Variants in FGGY observed in about 807,000 individuals in gnomAD.
FGGY encodes the protein FGGY carbohydrate kinase domain containing.
A neutral mutation model predicts 71.3 loss-of-function variants in FGGY; 72 were observed. The observed-to-expected ratio is 1.01, with a 90% CI of 0.84 to 1.23. FGGY has a LOEUF of 1.23. Ranked by LOEUF, FGGY falls within the 50% of genes most tolerant of loss-of-function variation. FGGY has a pLI of 0.00. For synonymous variants in FGGY, 251 were observed against 250.3 expected (o/e 1.00, Z -0.02); for missense variants, 668 against 682.3 (o/e 0.98, Z 0.23).
chr1:59,697,757 G>T (rs1462120618), intron 14 of FGGY: 3 of 1,263,620 alleles, frequency 2.4e-6, no homozygotes, highest in Non-Finnish European at 2.1e-6. Flanking sequence ...GACACAAGAG[G>T]TAAACAGAAT....
At chr1:59,504,780 C>T (rs1005236745) in intron 6 of FGGY, among the ~76,000 whole-genome samples, 21 of 152,150 alleles carry the variant, frequency 1.4e-4, no homozygotes, top group African/African-American at 4.8e-4. Context: ...TACAGTCTCT[C>T]CTCTTTACTC....
intron 8 of FGGY, among the ~76,000 whole-genome samples, chr1:59,575,480 A>G (rs1480541455): frequency 1.3e-5 from 2 of 152,140 alleles, no homozygotes; most frequent in Non-Finnish European, 2.9e-5. Context: ...TTTTGAATCT[A>G]TGGCACATTT....
At chr1:59,403,556 C>G (rs1329608187) in intron 5 of FGGY, among the ~76,000 whole-genome samples, 1 of 152,138 alleles carries the variant, frequency 6.6e-6, no homozygotes, top group Non-Finnish European at 1.5e-5. Context: ...TGACTGAACT[C>G]GGACTTGAAG....
At chr1:59,415,070 C>A (rs1480811329) in intron 5 of FGGY, among the ~76,000 whole-genome samples, 2 of 152,120 alleles carry the variant, frequency 1.3e-5, no homozygotes, top group East Asian at 3.9e-4. Flanking sequence ...GAGTCTGGGA[C>A]AGGATCACAT....
At chr1:59,639,667 A>G (rs181594625) in intron 11 of FGGY, among the ~76,000 whole-genome samples, 2 of 152,374 alleles carry the variant, frequency 1.3e-5, no homozygotes, top group East Asian at 3.8e-4. Context: ...AGAGCTAGAT[A>G]TTTAAAATGT....
chr1:59,730,320 T>C (rs1232388296), intron 14 of FGGY, among the ~76,000 whole-genome samples: 4 of 152,072 alleles, frequency 2.6e-5, no homozygotes, highest in Non-Finnish European at 5.9e-5. Context: ...TTTTTTTTTT[T>C]TTTGGAGTAA....
intron 14 of FGGY, among the ~76,000 whole-genome samples, chr1:59,713,394 C>A (rs1208981446): frequency 4.6e-5 from 7 of 152,304 alleles, no homozygotes; most frequent in Admixed American, 4.6e-4. Context: ...TTCAGCAACA[C>A]CCCACTCTAC....
At chr1:59,435,734 G>A (rs112136494) in intron 5 of FGGY, among the ~76,000 whole-genome samples, 5,185 of 144,224 alleles carry the variant, frequency 0.036, 273 homozygotes, top group African/African-American at 0.13. Flanking sequence ...CCTTCCTCAC[G>A]TGTGTGCCTG....
intron 2 of FGGY, among the ~76,000 whole-genome samples, chr1:59,325,081 T>C (rs967556434): frequency 6.6e-5 from 10 of 152,214 alleles, no homozygotes; most frequent in South Asian, 4.2e-4. Context: ...AGGCGGGGCG[T>C]GTTGGCTCAC....
chr1:59,521,419 T>C (rs2094829599), intron 7 of FGGY, among the ~76,000 whole-genome samples: 1 of 152,118 alleles, frequency 6.6e-6, no homozygotes, highest in South Asian at 2.1e-4. Flanking sequence ...ACTTTGACTC[T>C]GTGGAAGAAA....
intron 6 of FGGY, among the ~76,000 whole-genome samples, chr1:59,465,482 A>G (rs1416622820): frequency 6.6e-6 from 1 of 152,212 alleles, no homozygotes; most frequent in Non-Finnish European, 1.5e-5. Context: ...CTCCTATTCA[A>G]CATAGTGTTG....
At chr1:59,423,162 C>T (rs2065752561) in intron 5 of FGGY, among the ~76,000 whole-genome samples, 1 of 152,146 alleles carries the variant, frequency 6.6e-6, no homozygotes, top group Non-Finnish European at 1.5e-5. Flanking sequence ...CTGGATTGTA[C>T]CAGCAAGTTT....
intron 8 of FGGY, 97 bp downstream of exon 8, chr1:59,554,324 C>A: frequency 1.2e-6 from 1 of 847,722 alleles, no homozygotes; most frequent in South Asian, 2.0e-5. Context: ...TCACTTCTTT[C>A]CTCTTTTCCC....
intron 6 of FGGY, among the ~76,000 whole-genome samples, chr1:59,480,478 C>G (rs2093429027): frequency 6.6e-6 from 1 of 152,208 alleles, no homozygotes; most frequent in South Asian, 2.1e-4. Flanking sequence ...CACTCGGTCT[C>G]TTCTGCCTAC....
chr1:59,354,751 T>C (rs1021830476), intron 4 of FGGY, among the ~76,000 whole-genome samples: 41 of 152,264 alleles, frequency 2.7e-4, no homozygotes, highest in African/African-American at 9.6e-4. Context: ...TCTGGGAACT[T>C]AGAGTCTAGT....
intron 8 of FGGY, among the ~76,000 whole-genome samples, chr1:59,562,958 C>T (rs914030291): frequency 2.6e-5 from 4 of 152,170 alleles, no homozygotes; most frequent in African/African-American, 4.8e-5. Flanking sequence ...TATCTGGAGA[C>T]TTTACTGAAG....
intron 14 of FGGY, among the ~76,000 whole-genome samples, chr1:59,708,978 C>A (rs934572493): frequency 1.3e-5 from 2 of 152,288 alleles, no homozygotes; most frequent in East Asian, 3.9e-4. Context: ...TGGATAAGGG[C>A]TCAACCTTTT....
intron 14 of FGGY, among the ~76,000 whole-genome samples, chr1:59,683,458 C>T (rs1194436485): frequency 2.0e-5 from 3 of 152,114 alleles, no homozygotes; most frequent in Non-Finnish European, 4.4e-5. Flanking sequence ...ATGCATGATT[C>T]CTGGGAATAG....
chr1:59,731,721 G>A (rs77962070), intron 14 of FGGY, among the ~76,000 whole-genome samples: 4,664 of 152,132 alleles, frequency 0.031, 89 homozygotes, highest in South Asian at 0.062. Flanking sequence ...ACCTTGTGAG[G>A]GCCAGGAGGG....
Sources: gnomAD v4.1 joint callset for allele counts (sites outside exome capture counted in the v4.1 genomes callset) on GRCh38, gnomAD v4.1.1 for gene constraint, MANE v1.5 for transcripts, NCBI Gene and HGNC (gene_info 2026-07-23, HGNC 2026-07-21) for gene names.